GABPA: variants seen among roughly 807,000 people sequenced by gnomAD.
GABPA encodes GA-binding protein alpha chain.
GABPA carries 4 observed loss-of-function variants against 59.4 expected under a neutral mutation model. That is an observed-to-expected ratio of 0.07 (90% CI 0.03 to 0.15). The LOEUF (loss-of-function observed/expected upper bound fraction) is 0.15, where lower values mean the gene tolerates loss of function less well. Ranked by LOEUF, GABPA falls within the 10% of genes least tolerant of loss-of-function variation. The pLI, the probability that GABPA is intolerant of heterozygous loss-of-function variation, is 1.00. For missense variants in GABPA, 251 were observed against 543.8 expected, an observed-to-expected ratio of 0.46 and a Z score of 5.36; for synonymous variants, 164 against 183.1, an observed-to-expected ratio of 0.90 and a Z score of 0.84.
At chr21:25,758,521 G>A (rs1025129658) in intron 6 of GABPA, among the ~76,000 whole-genome samples, 2 of 152,162 alleles carry the variant, frequency 1.3e-5, no homozygotes, top group African/African-American at 4.8e-5. Flanking sequence ...TAAATCAGAT[G>A]CTGTGCCCTA....
At chr21:25,744,833 A>G (rs1481523460) in intron 2 of GABPA, among the ~76,000 whole-genome samples, 1 of 152,118 alleles carries the variant, frequency 6.6e-6, no homozygotes, top group Non-Finnish European at 1.5e-5. Flanking sequence ...TAGAGATGGC[A>G]TACAGATTTT....
In GABPA at chr21:25,757,689, C is replaced by A. The variant is rs71651616; in HGVS notation, c.554-321C>A. On this transcript the variant is annotated intron_variant, in intron 5 of 9. Coordinates refer to ENST00000400075, the MANE Select transcript of GABPA (RefSeq NM_002040.4). ...ACTTGGATAATTTACTTTATTCTCTCCAGAATAATCTCATATTTTATTCTT... is the reference window on the plus strand; with the variant it reads ...ACTTGGATAATTTACTTTATTCTCTACAGAATAATCTCATATTTTATTCTT... Among the ~76,000 whole-genome samples, 1,314 of 151,900 alleles carry A rather than the reference C, an allele frequency of 8.7e-3. 22 individuals are homozygous for A. The highest frequency in any genetic ancestry group is 0.03 in the African/African-American group (1,254 of 41,398).
In GABPA at chr21:25,752,252, T is replaced by A. The variant is rs200557647; in HGVS notation, c.553+18T>A. ...ACCCTATGGTAATAAAATGCATAAT[T>A]CTATATTGGGTAGAATAATAGGAAT... On this transcript the variant is annotated intron_variant, in intron 5 of 9. Coordinates refer to ENST00000400075, the MANE Select transcript of GABPA (RefSeq NM_002040.4). The A allele has an allele frequency of 6.2e-7, 1 of 1,611,892 alleles. No individual in the cohort carries two copies. The highest frequency in any genetic ancestry group is 8.5e-7 in the Non-Finnish European group (1 of 1,178,634).
chr21:25,748,781 A>G (rs1369231570), intron 3 of GABPA, among the ~76,000 whole-genome samples: 3 of 152,224 alleles, frequency 2.0e-5, no homozygotes, highest in Non-Finnish European at 4.4e-5. Context: ...ATCCCAAACT[A>G]GACTCCAGAG....
At chr21:25,768,962 C>CATTT (rs56048433) in intron 9 of GABPA, 42 bp from the exon 10 acceptor site, 1,078,588 of 1,285,860 alleles carry the variant, frequency 0.84, 453,581 homozygotes, top group Middle Eastern at 0.85. Context: ...TAAGAAGTCT[C>CATTT]ATTTTTTCTG....
At chr21:25,763,663 T>C (rs529038786) in intron 7 of GABPA, among the ~76,000 whole-genome samples, 6 of 152,318 alleles carry the variant, frequency 3.9e-5, no homozygotes, top group African/African-American at 1.4e-4. Flanking sequence ...AACTTTTTTA[T>C]CATTTGAGAA....
chr21:25,734,981 A>T lies in GABPA; in HGVS notation c.-624A>T, dbSNP rs780429739. 6.4e-7 allele frequency: 1 copy of T among 1,560,126 alleles called. No homozygotes were observed. The highest frequency in any genetic ancestry group is 8.7e-7 in the Non-Finnish European group (1 of 1,154,500). ...TATGGGCCGCCGTTTCAGTCGGTCGACGCTCACCGGACAGGAAGCGTCTCG... is the reference window on the plus strand; with the variant it reads ...TATGGGCCGCCGTTTCAGTCGGTCGTCGCTCACCGGACAGGAAGCGTCTCG... On this transcript the variant is annotated 5_prime_UTR_variant, in exon 1 of 10. Transcript: ENST00000400075.
In GABPA at chr21:25,764,572, C is replaced by T. The variant is rs1480245008; in HGVS notation, c.944-23C>T. The T allele has an allele frequency of 4.4e-6, 7 of 1,598,176 alleles. 1 individual carries two copies. In the South Asian group the frequency reaches 7.7e-5, roughly 18 times the overall value. Reference sequence around the variant, plus strand: ...CTAATCTATAACACTATAGCTAATGCTTTGTTCCTCTTACCAATTTAGGAA... The same window carrying T: ...CTAATCTATAACACTATAGCTAATGTTTTGTTCCTCTTACCAATTTAGGAA... On this transcript the variant is annotated intron_variant, in intron 8 of 9. Transcript: ENST00000400075.
At chr21:25,761,515 C>T (rs558374381) in intron 6 of GABPA, among the ~76,000 whole-genome samples, 1 of 152,144 alleles carries the variant, frequency 6.6e-6, no homozygotes, top group African/African-American at 2.4e-5. Flanking sequence ...GCAAGGCACC[C>T]TTAGCGGAGT....
At chr21:25,760,418 CAG>C (rs1386710078) in intron 6 of GABPA, among the ~76,000 whole-genome samples, 1 of 152,120 alleles carries the variant, frequency 6.6e-6, no homozygotes, top group Non-Finnish European at 1.5e-5. Flanking sequence ...TATCCATCCT[CAG>C]TGATCTCTCA....
At chr21:25,739,806 C>T (rs1484390332) in intron 1 of GABPA, among the ~76,000 whole-genome samples, 1 of 152,144 alleles carries the variant, frequency 6.6e-6, no homozygotes, top group Admixed American at 6.5e-5. Flanking sequence ...TTATAGGAGA[C>T]AGGTTCTTTT....
intron 1 of GABPA, among the ~76,000 whole-genome samples, chr21:25,740,081 A>G (rs991135887): frequency 6.6e-6 from 1 of 152,170 alleles, no homozygotes. Context: ...TACAGAGCCT[A>G]TATTTGGACA....
At chr21:25,767,381 G>T (rs537611895) in intron 9 of GABPA, among the ~76,000 whole-genome samples, 1 of 151,526 alleles carries the variant, frequency 6.6e-6, no homozygotes, top group African/African-American at 2.4e-5. Context: ...AAAAAAAGAG[G>T]GAAGAAAAGA....
intron 1 of GABPA, among the ~76,000 whole-genome samples, chr21:25,737,412 A>G (rs1432692305): frequency 2.0e-5 from 3 of 152,264 alleles, no homozygotes; most frequent in African/African-American, 7.2e-5. Context: ...CCAGGAGAGA[A>G]AGAAAGATTT....
intron 3 of GABPA, among the ~76,000 whole-genome samples, chr21:25,746,345 A>AT (rs1331743630): frequency 1.3e-5 from 2 of 152,132 alleles, no homozygotes; most frequent in African/African-American, 4.8e-5. Flanking sequence ...ATTAACTTAG[A>AT]TTAATGTATA....
rs181186221 is a variant in GABPA at position 25,766,110 on chromosome 21, A to G, written c.1136+1323A>G. Among the ~76,000 whole-genome samples the G allele has an allele frequency of 2.0e-3, 310 of 152,114 alleles. 1 individual carries two copies. The highest frequency in any genetic ancestry group is 3.4e-3 in the Middle Eastern group (1 of 294). ...CCATACAGTAGAATAGGGAGCCAAAATAGAACCAGGAATATGTAAGCATTT... is the reference window on the plus strand; with the variant it reads ...CCATACAGTAGAATAGGGAGCCAAAGTAGAACCAGGAATATGTAAGCATTT... On this transcript the variant is annotated intron_variant, in intron 9 of 9. Coordinates refer to ENST00000400075, the MANE Select transcript of GABPA (RefSeq NM_002040.4).
In GABPA at chr21:25,764,254, A is replaced by C; in HGVS notation, c.847A>C (p.Thr283Pro). The change falls in exon 8 of 10, where the codon ACC (threonine) becomes CCC (proline). Residue 283 changes from threonine (T) to proline (P), a missense_variant. Transcript: ENST00000400075. ...PASVQSATPT[T>P]IKVINSSAKA... ...ATCAGTGCAATCTGCTACACCTACT[A>C]CCATTAAAGTTATAAATAGTAGTGC... 6.2e-7 allele frequency: 1 copy of C among 1,611,436 alleles called. No individual in the cohort carries two copies. Among genetic ancestry groups the C allele is most frequent in the Non-Finnish European group, 8.5e-7 (1 of 1,178,836 alleles).
In GABPA at chr21:25,735,275, T is replaced by C. The variant is rs1050177710; in HGVS notation, c.-330T>C. 5 of 445,824 alleles carry C rather than the reference T, an allele frequency of 1.1e-5. No individual in the cohort carries two copies. The highest frequency in any genetic ancestry group is 9.9e-5 in the African/African-American group (5 of 50,524). 27.6% of individuals were successfully genotyped at this position (445,824 alleles called of 1,614,324 possible). A position where few individuals can be genotyped will look rare whatever the true frequency, so the allele number is the denominator to read the frequency against. ...TAAAGGTGCAGGGAAAGTGAGACTG[T>C]GTAAAACAAAGCGGATTGGGGCGTT... On this transcript the variant is annotated 5_prime_UTR_variant, in exon 1 of 10. Coordinates refer to ENST00000400075, the MANE Select transcript of GABPA (RefSeq NM_002040.4).
chr21:25,757,919 CT>C, intron 5 of GABPA, 90 bp from the exon 6 acceptor site: 1 of 305,842 alleles, frequency 3.3e-6, no homozygotes, highest in Non-Finnish European at 5.8e-6. Flanking sequence ...AAGAAAACAT[CT>C]GTGTGTATGT....
Sources: gnomAD v4.1 joint callset for allele counts (sites outside exome capture counted in the v4.1 genomes callset) on GRCh38, gnomAD v4.1.1 for gene constraint, MANE v1.5 for transcripts, NCBI Gene and HGNC (gene_info 2026-07-23, HGNC 2026-07-21) for gene names.